Variants in MSH3 observed in about 807,000 individuals in gnomAD.
The protein encoded by MSH3 is mutS homolog 3, also known as DNA mismatch repair protein Msh3.
Under a neutral mutation model 123.3 loss-of-function variants are expected in MSH3, and 106 were observed. That is an observed-to-expected ratio of 0.86 (90% CI 0.73 to 1.01). MSH3 has a LOEUF of 1.01. Among genes scored for constraint, MSH3 ranks in the 50% least tolerant of loss-of-function variants. The pLI, the probability that MSH3 is intolerant of heterozygous loss-of-function variation, is 0.00. For missense variants in MSH3, 1,459 were observed against 1,347.6 expected, an observed-to-expected ratio of 1.08 and a Z score of -1.29; for synonymous variants, 515 against 481.4, an observed-to-expected ratio of 1.07 and a Z score of -0.91.
chr5:80,787,534 C>T lies in MSH3; in HGVS notation c.2436-31C>T, dbSNP rs778974593. 1 of 1,432,104 alleles carries T rather than the reference C, an allele frequency of 7.0e-7. No individual in the cohort carries two copies. Among genetic ancestry groups the T allele is most frequent in the South Asian group, 1.1e-5 (1 of 87,348 alleles). 88.7% of individuals were successfully genotyped at this position (1,432,104 alleles called of 1,614,324 possible). On this transcript the variant is annotated intron_variant, in intron 17 of 23. Transcript: ENST00000265081. ...TATAGGTTTAAGATATCAGTTTGCT[C>T]ACCTTTTTGTTGTTGCTGCTGCTTC...
rs541360876 is a variant in MSH3, at chr5:80,738,750, C to A, written c.1569-2714C>A. ...TTAGTCTCATGCCAACTGTTATGGC[C>A]TGGATGTTTGTGCCCTTCAAAATTC... On this transcript the variant is annotated intron_variant, in intron 10 of 23. Transcript: ENST00000265081. 2.0e-5 allele frequency among the ~76,000 whole-genome samples: 3 copies of A among 152,266 alleles called. 1 individual carries two copies. Among genetic ancestry groups the A allele is most frequent in the East Asian group, 1.9e-4 (1 of 5,194 alleles).
At chr5:80,722,030 TG>T (rs987604394) in intron 8 of MSH3, among the ~76,000 whole-genome samples, 24 of 152,310 alleles carry the variant, frequency 1.6e-4, no homozygotes, top group Admixed American at 2.0e-4. Context: ...TAACTGTTTT[TG>T]TGAAGAAAAA....
chr5:80,782,009 A>G (rs1440617351), intron 17 of MSH3, among the ~76,000 whole-genome samples: 3 of 152,228 alleles, frequency 2.0e-5, no homozygotes, highest in Non-Finnish European at 4.4e-5. Flanking sequence ...TTATATGTGT[A>G]TATTTACATA....
intron 8 of MSH3, among the ~76,000 whole-genome samples, chr5:80,715,720 T>C (rs771807514): frequency 2.2e-4 from 34 of 152,046 alleles, no homozygotes; most frequent in South Asian, 6.2e-4. Flanking sequence ...AGGCAAGTCC[T>C]ACATGGCTGG....
intron 20 of MSH3, among the ~76,000 whole-genome samples, chr5:80,832,548 G>A (rs1745437866): frequency 6.6e-6 from 1 of 151,892 alleles, no homozygotes; most frequent in African/African-American, 2.4e-5. Context: ...GAACCTGGGA[G>A]GCAGAGGTTG....
chr5:80,835,509 C>T (rs1319298669), intron 20 of MSH3, among the ~76,000 whole-genome samples: 2 of 152,030 alleles, frequency 1.3e-5, no homozygotes, highest in Non-Finnish European at 2.9e-5. Context: ...ACATATACTT[C>T]ATTAGCACAG....
chr5:80,740,361 T>TC (rs201534146), intron 10 of MSH3, among the ~76,000 whole-genome samples: 5 of 92,940 alleles, frequency 5.4e-5, no homozygotes, highest in Non-Finnish European at 1.5e-4. Flanking sequence ...TTCTTTTCTC[T>TC]TTTTTTTTTT....
chr5:80,837,746 A>AT (rs1745542705), intron 20 of MSH3, among the ~76,000 whole-genome samples: 1 of 152,170 alleles, frequency 6.6e-6, no homozygotes, highest in South Asian at 2.1e-4. Context: ...AGCAACACAC[A>AT]TTTATTATAT....
At chr5:80,866,781 A>T (rs1421403475) in intron 22 of MSH3, among the ~76,000 whole-genome samples, 3 of 152,142 alleles carry the variant, frequency 2.0e-5, no homozygotes, top group African/African-American at 7.2e-5. Context: ...TTGCTTACTG[A>T]TGAGCCAAGT....
chr5:80,771,628 G>C (rs1300454106), intron 15 of MSH3, among the ~76,000 whole-genome samples: 1 of 152,122 alleles, frequency 6.6e-6, no homozygotes, highest in East Asian at 1.9e-4. Context: ...GCTTTTTTAT[G>C]CCTTTCTGTT....
intron 18 of MSH3, among the ~76,000 whole-genome samples, chr5:80,791,495 G>T (rs1323963782): frequency 6.6e-6 from 1 of 152,146 alleles, no homozygotes; most frequent in Admixed American, 6.6e-5. Flanking sequence ...ATGACATTCA[G>T]AATGTCTTAC....
At chr5:80,714,670 G>T (rs1397809115) in intron 8 of MSH3, among the ~76,000 whole-genome samples, 1 of 152,142 alleles carries the variant, frequency 6.6e-6, no homozygotes, top group African/African-American at 2.4e-5. Flanking sequence ...AACTTAATGG[G>T]TTTCTAAATC....
chr5:80,691,037 CAT>C (rs1276897129), intron 8 of MSH3, among the ~76,000 whole-genome samples: 1 of 151,710 alleles, frequency 6.6e-6, no homozygotes, highest in Non-Finnish European at 1.5e-5. Context: ...AAATGTTATT[CAT>C]AGATTATTTT....
intron 19 of MSH3, among the ~76,000 whole-genome samples, chr5:80,809,229 A>G (rs1052658469): frequency 6.6e-6 from 1 of 152,162 alleles, no homozygotes; most frequent in Non-Finnish European, 1.5e-5. Context: ...AATTTTACAG[A>G]TGAGAAAATG....
rs752396012 is a variant in MSH3 at position 80,654,714 on chromosome 5, A to C, written c.-14A>C. On this transcript the variant is annotated 5_prime_UTR_variant, in exon 1 of 24. Transcript: ENST00000265081. ...CGCCAGGCCCTGCCGCCGGGCTGCC[A>C]TCCTTGCCCTGCCATGTCTCGCCGG... The C allele has an allele frequency of 6.3e-7, 1 of 1,588,176 alleles. No individual in the cohort carries two copies. Among genetic ancestry groups the C allele is most frequent in the Non-Finnish European group, 8.5e-7 (1 of 1,170,446 alleles).
At chr5:80,752,944 A>T (rs948083679) in intron 12 of MSH3, among the ~76,000 whole-genome samples, 21 of 152,198 alleles carry the variant, frequency 1.4e-4, no homozygotes, top group African/African-American at 5.1e-4. Flanking sequence ...TAGGGGTTCA[A>T]ACAGAAGTGG....
intron 7 of MSH3, among the ~76,000 whole-genome samples, 173 bp downstream of exon 7, chr5:80,675,301 T>G (rs1749816500): frequency 6.6e-6 from 1 of 152,236 alleles, no homozygotes; most frequent in African/African-American, 2.4e-5. Context: ...TACAATTTTC[T>G]CATGGCTACT....
At chr5:80,789,570 C>T (rs939351920) in intron 18 of MSH3, among the ~76,000 whole-genome samples, 48 of 152,088 alleles carry the variant, frequency 3.2e-4, no homozygotes, top group Non-Finnish European at 8.8e-5. Context: ...GGGGTTTTAC[C>T]ATGTTGGCCA....
chr5:80,737,580 T>C (rs1485538998), intron 10 of MSH3, among the ~76,000 whole-genome samples: 1 of 152,218 alleles, frequency 6.6e-6, no homozygotes, highest in African/African-American at 2.4e-5. Context: ...TCTTCTACAA[T>C]GGTAAATAAT....
Sources: allele counts gnomAD v4.1 joint callset (sites outside exome capture counted in the v4.1 genomes callset), GRCh38; gene constraint gnomAD v4.1.1; transcripts MANE v1.5; gene names NCBI Gene and HGNC (gene_info 2026-07-23, HGNC 2026-07-21).